SLC35F2: variants seen among roughly 807,000 people sequenced by gnomAD.
SLC35F2 encodes queuine/queuosine transporter SLC35F2.
A neutral mutation model predicts 38.1 loss-of-function variants in SLC35F2; 25 were observed. That is an observed-to-expected ratio of 0.66 (90% CI 0.48 to 0.92). SLC35F2 has a LOEUF of 0.92. Among genes scored for constraint, SLC35F2 ranks in the 40% least tolerant of loss-of-function variants. The pLI, the probability that SLC35F2 is intolerant of heterozygous loss-of-function variation, is 0.00. For synonymous variants in SLC35F2, 173 were observed against 181.7 expected (o/e 0.95, Z 0.38); for missense variants, 409 against 452.9 (o/e 0.90, Z 0.88).
At chr11:107,831,452 C>T (rs59036211) in intron 1 of SLC35F2, among the ~76,000 whole-genome samples, 8,793 of 152,158 alleles carry the variant, frequency 0.058, 524 homozygotes, top group African/African-American at 0.15. Flanking sequence ...CTCAAACTCC[C>T]GGCCTCAGGC....
intron 1 of SLC35F2, among the ~76,000 whole-genome samples, chr11:107,818,094 A>AGAG (rs1859610433): frequency 7.4e-6 from 1 of 135,338 alleles, no homozygotes; most frequent in Non-Finnish European, 1.6e-5. Flanking sequence ...GAAAGAAAGA[A>AGAG]AGAAAGAAAG....
chr11:107,826,270 A>G (rs1859753383), intron 1 of SLC35F2, among the ~76,000 whole-genome samples: 1 of 149,598 alleles, frequency 6.7e-6, no homozygotes, highest in East Asian at 1.9e-4. Flanking sequence ...TTAAAAGGAA[A>G]GATAAAACTT....
chr11:107,818,722 G>T (rs1000699315), intron 1 of SLC35F2, among the ~76,000 whole-genome samples: 53 of 152,254 alleles, frequency 3.5e-4, no homozygotes, highest in African/African-American at 1.3e-3. Flanking sequence ...ACTACATCAT[G>T]CTTTATTGAT....
intron 1 of SLC35F2, among the ~76,000 whole-genome samples, chr11:107,843,077 G>T (rs1860037847): frequency 6.6e-6 from 1 of 152,128 alleles, no homozygotes; most frequent in Non-Finnish European, 1.5e-5. Context: ...TATAGAGCAT[G>T]ATATCCTTTT....
intron 4 of SLC35F2, 26 bp downstream of exon 4, chr11:107,806,691 A>G: frequency 6.2e-7 from 1 of 1,612,106 alleles, no homozygotes. Flanking sequence ...CTGTGATTGA[A>G]GCACAAACAT....
At chr11:107,820,275 T>TGGGGAGAGAGAGAAAAGAAA (rs1859647399) in intron 1 of SLC35F2, among the ~76,000 whole-genome samples, 1 of 142,696 alleles carries the variant, frequency 7.0e-6, no homozygotes, top group Non-Finnish European at 1.5e-5. Flanking sequence ...AAAAAAAAAT[T>TGGGGAGAGAGAGAAAAGAAA]GGGAGAGAGA....
At chr11:107,843,866 AAAATATATATATATAT>A (rs1344567959) in intron 1 of SLC35F2, among the ~76,000 whole-genome samples, 5 of 38,472 alleles carry the variant, frequency 1.3e-4, no homozygotes, top group Admixed American at 4.0e-4. Context: ...AAAAAAAAAA[AAAATATATATATATAT>A]ATATATATAT....
At chr11:107,795,987 AGCTGGGTGT>A (rs1171537617) in intron 7 of SLC35F2, among the ~76,000 whole-genome samples, 1 of 152,040 alleles carries the variant, frequency 6.6e-6, no homozygotes, top group East Asian at 1.9e-4. Context: ...TACAAAAACT[AGCTGGGTGT>A]GGTGGTGGCA....
chr11:107,835,152 G>A (rs1859911028), intron 1 of SLC35F2, among the ~76,000 whole-genome samples: 1 of 152,170 alleles, frequency 6.6e-6, no homozygotes, highest in Non-Finnish European at 1.5e-5. Flanking sequence ...AAACAGAAAA[G>A]CGTGGAGCAA....
chr11:107,841,824 T>G (rs1860015989), intron 1 of SLC35F2, among the ~76,000 whole-genome samples: 2 of 151,730 alleles, frequency 1.3e-5, no homozygotes, highest in Admixed American at 1.3e-4. Flanking sequence ...ATACAAAAAT[T>G]AAGGCCGAGG....
Position 107,825,561 on chromosome 11 carries a change from G to A in SLC35F2, c.111-9596C>T, listed in dbSNP as rs184345518. Among the ~76,000 whole-genome samples the A allele has an allele frequency of 2.3e-3, 342 of 151,824 alleles. 2 individuals carry two copies. Among genetic ancestry groups the A allele is most frequent in the African/African-American group, 7.9e-3 (328 of 41,420 alleles). On this transcript the variant is annotated intron_variant, in intron 1 of 7. Transcript: ENST00000525815. ...TTATTTTTGTAGTTTTAGTAGAGAC[G>A]GGTTTCACCATGTTGGTCAGGCTGG...
intron 1 of SLC35F2, chr11:107,816,290 T>TG: frequency 1.1e-6 from 1 of 897,622 alleles, no homozygotes; most frequent in Non-Finnish European, 1.3e-6. Flanking sequence ...GTGTATGACT[T>TG]TTTTTTTTTG....
At chr11:107,834,724 C>T (rs576996949) in intron 1 of SLC35F2, among the ~76,000 whole-genome samples, 9 of 152,178 alleles carry the variant, frequency 5.9e-5, no homozygotes, top group East Asian at 3.9e-4. Context: ...CAGGCTAATG[C>T]GATTTCTCTC....
chr11:107,838,752 C>T (rs1859969072), intron 1 of SLC35F2, among the ~76,000 whole-genome samples: 1 of 151,810 alleles, frequency 6.6e-6, no homozygotes, highest in African/African-American at 2.4e-5. Context: ...CCTCAGCCTC[C>T]CAAGTAGCTG....
chr11:107,837,779 C>T (rs1407167725), intron 1 of SLC35F2, among the ~76,000 whole-genome samples: 1 of 151,984 alleles, frequency 6.6e-6, no homozygotes, highest in Non-Finnish European at 1.5e-5. Context: ...CTCTAAATTC[C>T]TATGACATTT....
chr11:107,834,536 G>C (rs1045134834), intron 1 of SLC35F2, among the ~76,000 whole-genome samples: 2 of 152,106 alleles, frequency 1.3e-5, no homozygotes, highest in African/African-American at 4.8e-5. Context: ...TGTAAACCCA[G>C]CTACTTGGGA....
rs1859989892 is a variant in SLC35F2, at chr11:107,839,945, G to A, written c.110+18713C>T. Among the ~76,000 whole-genome samples the A allele has an allele frequency of 2.6e-5, 4 of 152,162 alleles. No homozygotes were observed. In the South Asian group the frequency reaches 8.3e-4, roughly 32 times the overall value. On this transcript the variant is annotated intron_variant, in intron 1 of 7. Coordinates refer to ENST00000525815, the MANE Select transcript of SLC35F2 (RefSeq NM_017515.5). ...TGGGATTACAGGTGTAAGCCACCGT[G>A]CCCAACCTGAAACACATTTTCATAT...
chr11:107,792,390 T>C lies in SLC35F2; in HGVS notation c.*225A>G, dbSNP rs1273363648. On this transcript the variant is annotated 3_prime_UTR_variant, in exon 8 of 8. Transcript: ENST00000525815. ...ACCTCATCTCCTCAACACGAACAGA[T>C]ATTGGTCCTCAAACACAGAAACACA... is the stretch of plus-strand genomic sequence containing the variant. 1.0e-5 allele frequency: 5 copies of C among 476,566 alleles called. No homozygotes were observed. Among genetic ancestry groups the C allele is most frequent in the Admixed American group, 4.0e-5 (1 of 24,922 alleles). The allele number at this position is 476,566 out of a possible 1,614,324, so 29.5% of individuals were successfully genotyped here. A position where few individuals can be genotyped will look rare whatever the true frequency, so the allele number is the denominator to read the frequency against.
In SLC35F2 at chr11:107,835,386, G is replaced by A. The variant is rs535491586; in HGVS notation, c.111-19421C>T. 7.9e-5 allele frequency among the ~76,000 whole-genome samples: 12 copies of A among 152,026 alleles called. 1 individual carries two copies. In the South Asian group the frequency reaches 2.3e-3, roughly 29 times the overall value. On this transcript the variant is annotated intron_variant, in intron 1 of 7. Transcript: ENST00000525815. ...TGTGCGAATTTCCCTTCCCTGCTTAGTGGAAATAGTCCGAACCTGGAAGGC... is the reference window on the plus strand; with the variant it reads ...TGTGCGAATTTCCCTTCCCTGCTTAATGGAAATAGTCCGAACCTGGAAGGC...
Sources: allele counts gnomAD v4.1 joint callset (sites outside exome capture counted in the v4.1 genomes callset), GRCh38; gene constraint gnomAD v4.1.1; transcripts MANE v1.5; gene names NCBI Gene and HGNC (gene_info 2026-07-23, HGNC 2026-07-21).